Variants in NBEA observed in about 807,000 individuals in gnomAD.
NBEA encodes lysosomal-trafficking regulator 2.
A neutral mutation model predicts 343.4 loss-of-function variants in NBEA; 44 were observed. The observed-to-expected ratio is 0.13, with a 90% CI of 0.10 to 0.16. The LOEUF is 0.16. Among genes scored for constraint, NBEA ranks in the 10% least tolerant of loss-of-function variants. The pLI, the probability that NBEA is intolerant of heterozygous loss-of-function variation, is 1.00. For missense variants in NBEA, 2,555 were observed against 3,631.3 expected, an observed-to-expected ratio of 0.70 and a Z score of 7.62; for synonymous variants, 1,175 against 1,238.7, an observed-to-expected ratio of 0.95 and a Z score of 1.08.
intron 1 of NBEA, among the ~76,000 whole-genome samples, chr13:34,988,184 C>A (rs1224138374): frequency 6.6e-6 from 1 of 150,976 alleles, no homozygotes. Context: ...CAGAGGGTTA[C>A]CCGCCTGTTT....
intron 40 of NBEA, among the ~76,000 whole-genome samples, chr13:35,471,315 C>T (rs149824365): frequency 0.033 from 5,019 of 152,260 alleles, 133 homozygotes; most frequent in African/African-American, 0.071. Flanking sequence ...GAGGGCTCTC[C>T]GCCCGGAGGG....
At chr13:35,536,858 T>C (rs2078579646) in intron 41 of NBEA, among the ~76,000 whole-genome samples, 1 of 152,216 alleles carries the variant, frequency 6.6e-6, no homozygotes, top group Admixed American at 6.5e-5. Context: ...CTCAGAAATA[T>C]TCAAAGGAAT....
At chr13:35,418,498 ATGT>A (rs935910238) in intron 38 of NBEA, among the ~76,000 whole-genome samples, 1 of 152,050 alleles carries the variant, frequency 6.6e-6, no homozygotes, top group African/African-American at 2.4e-5. Context: ...GAAATGCATG[ATGT>A]TGTTTTACCA....
At chr13:35,525,229 G>A (rs558299415) in intron 41 of NBEA, among the ~76,000 whole-genome samples, 16 of 152,258 alleles carry the variant, frequency 1.1e-4, no homozygotes, top group Non-Finnish European at 2.2e-4. Flanking sequence ...TCATTATAGA[G>A]ATTAGTGGTA....
intron 22 of NBEA, among the ~76,000 whole-genome samples, chr13:35,161,397 T>C (rs2152712800): frequency 6.6e-6 from 1 of 152,320 alleles, no homozygotes; most frequent in East Asian, 1.9e-4. Flanking sequence ...ATATCCAGTA[T>C]ACTTCACTGT....
intron 45 of NBEA, among the ~76,000 whole-genome samples, chr13:35,571,569 T>A (rs1345157021): frequency 6.6e-6 from 1 of 152,218 alleles, no homozygotes; most frequent in African/African-American, 2.4e-5. Context: ...GCACCTAGTA[T>A]AATGCCTGAC....
chr13:35,079,225 T>C (rs1403788212), intron 10 of NBEA, among the ~76,000 whole-genome samples: 1 of 152,106 alleles, frequency 6.6e-6, no homozygotes, highest in Non-Finnish European at 1.5e-5. Flanking sequence ...AAATCAGGTG[T>C]GGGGGAAAAA....
intron 1 of NBEA, among the ~76,000 whole-genome samples, chr13:34,986,097 T>A (rs2060535807): frequency 6.6e-6 from 1 of 150,868 alleles, no homozygotes; most frequent in South Asian, 2.1e-4. Flanking sequence ...TGTTTGCTCT[T>A]GCTTCTCTAG....
At chr13:35,548,885 A>G (rs1315383850) in intron 41 of NBEA, among the ~76,000 whole-genome samples, 2 of 152,198 alleles carry the variant, frequency 1.3e-5, no homozygotes, top group African/African-American at 4.8e-5. Flanking sequence ...TCAAAAACCA[A>G]TTGTCACCTG....
chr13:35,194,231 G>A (rs925315853), intron 30 of NBEA, among the ~76,000 whole-genome samples: 1 of 151,864 alleles, frequency 6.6e-6, no homozygotes, highest in Admixed American at 6.6e-5. Flanking sequence ...TAATTTTTTA[G>A]TATGTGTGTA....
At chr13:35,116,782 T>C (rs1334381186) in intron 13 of NBEA, among the ~76,000 whole-genome samples, 1 of 151,998 alleles carries the variant, frequency 6.6e-6, no homozygotes, top group African/African-American at 2.4e-5. Context: ...ATATTATATT[T>C]TCATTTTTAT....
chr13:35,016,127 G>C (rs2061648523), intron 1 of NBEA, among the ~76,000 whole-genome samples: 1 of 152,084 alleles, frequency 6.6e-6, no homozygotes. Context: ...GGTTAGAAAT[G>C]ATGTGCATGT....
chr13:35,223,712 A>G (rs1257895659), intron 33 of NBEA, among the ~76,000 whole-genome samples: 3 of 151,988 alleles, frequency 2.0e-5, no homozygotes, highest in African/African-American at 4.8e-5. Context: ...CTCTTAACAT[A>G]TTTCTTCTGC....
At chr13:35,068,889 C>A (rs2063757011) in intron 8 of NBEA, among the ~76,000 whole-genome samples, 1 of 152,134 alleles carries the variant, frequency 6.6e-6, no homozygotes, top group Admixed American at 6.6e-5. Flanking sequence ...TTAGAAAGGA[C>A]AAATCTTCTC....
At chr13:35,505,961 T>C (rs1258532089) in intron 41 of NBEA, among the ~76,000 whole-genome samples, 2 of 152,206 alleles carry the variant, frequency 1.3e-5, no homozygotes, top group Non-Finnish European at 1.5e-5. Flanking sequence ...TTTAAATAAC[T>C]GATAGGTTTG....
At chr13:35,590,478 T>C (rs1352888367) in intron 46 of NBEA, among the ~76,000 whole-genome samples, 2 of 152,134 alleles carry the variant, frequency 1.3e-5, no homozygotes, top group Non-Finnish European at 2.9e-5. Flanking sequence ...ATAACTTTGT[T>C]ACCGGAAATA....
At chr13:35,505,303 A>G (rs1012632824) in intron 41 of NBEA, among the ~76,000 whole-genome samples, 5 of 152,166 alleles carry the variant, frequency 3.3e-5, no homozygotes, top group Non-Finnish European at 5.9e-5. Flanking sequence ...TATTTCAATG[A>G]TACGTATTTG....
In NBEA at chr13:35,374,572, C is replaced by T. The variant is rs193066389; in HGVS notation, c.6179+22249C>T. 3.9e-5 allele frequency among the ~76,000 whole-genome samples: 6 copies of T among 152,104 alleles called. No individual in the cohort carries two copies. The South Asian group carries it at 6.2e-4, about 16-fold the overall frequency. On this transcript the variant is annotated intron_variant, in intron 38 of 58. Coordinates refer to ENST00000379939, the MANE Select transcript of NBEA (RefSeq NM_001385012.1). ...CAGTAGAACAAGGTGTGTTGTACCT[C>T]ATAGGTTTGTGGAGCATATGTTAGA...
At chr13:35,413,268 A>G (rs1262719171) in intron 38 of NBEA, among the ~76,000 whole-genome samples, 1 of 152,130 alleles carries the variant, frequency 6.6e-6, no homozygotes, top group Non-Finnish European at 1.5e-5. Flanking sequence ...TAATCTTGGT[A>G]GGATTAGAAT....
Sources: allele counts gnomAD v4.1 joint callset (sites outside exome capture counted in the v4.1 genomes callset), GRCh38; gene constraint gnomAD v4.1.1; transcripts MANE v1.5; gene names NCBI Gene and HGNC (gene_info 2026-07-23, HGNC 2026-07-21).